Variants in ASPH observed in about 807,000 individuals in gnomAD.
ASPH encodes aspartate beta-hydroxylase, also known as aspartyl/asparaginyl beta-hydroxylase.
ASPH carries 100 observed loss-of-function variants against 118.4 expected under a neutral mutation model. That is an observed-to-expected ratio of 0.84 (90% CI 0.72 to 1.00). ASPH has a LOEUF of 1.00. Among genes scored for constraint, ASPH ranks in the 50% least tolerant of loss-of-function variants. ASPH has a pLI of 0.00. For synonymous variants in ASPH, 315 were observed against 325.6 expected (o/e 0.97, Z 0.35); for missense variants, 920 against 919.5 (o/e 1.00, Z -0.01).
chr8:61,598,031 T>C (rs1179686012), intron 14 of ASPH, among the ~76,000 whole-genome samples: 1 of 152,086 alleles, frequency 6.6e-6, no homozygotes, highest in Admixed American at 6.5e-5. Flanking sequence ...CCAAACTGCA[T>C]GATAAACAAC....
At chr8:61,711,299 T>G (rs1464488999) in intron 1 of ASPH, among the ~76,000 whole-genome samples, 2 of 151,664 alleles carry the variant, frequency 1.3e-5, no homozygotes, top group Non-Finnish European at 2.9e-5. Context: ...CACATACGAG[T>G]GTCTACAAAA....
At chr8:61,685,855 C>G (rs1830295690) in intron 1 of ASPH, among the ~76,000 whole-genome samples, 1 of 150,654 alleles carries the variant, frequency 6.6e-6, no homozygotes, top group East Asian at 2.0e-4. Flanking sequence ...CTAGCATGAT[C>G]TCGGCTCGGT....
At chr8:61,567,090 G>A (rs1831965995) in intron 17 of ASPH, 78 bp downstream of exon 17, 1 of 1,485,116 alleles carries the variant, frequency 6.7e-7, no homozygotes, top group Non-Finnish European at 9.1e-7. Context: ...ATTCTTCTAA[G>A]AGAAGAATAC....
chr8:61,562,455 G>A (rs899832493), intron 18 of ASPH, among the ~76,000 whole-genome samples: 9 of 144,902 alleles, frequency 6.2e-5, no homozygotes, highest in African/African-American at 2.2e-4. Context: ...TTCCTGTCAT[G>A]AAGAACAATT....
At position 61,590,161 on chromosome 8, in the gene ASPH, A is replaced by C. The variant is rs76329883; in HGVS notation, c.977-6132T>G. Among the ~76,000 whole-genome samples the C allele has an allele frequency of 7.0e-3, 1,071 of 152,198 alleles. 19 individuals carry two copies. The highest frequency in any genetic ancestry group is 0.024 in the African/African-American group (1,016 of 41,500). On this transcript the variant is annotated intron_variant, in intron 14 of 24. Coordinates refer to ENST00000379454, the MANE Select transcript of ASPH (RefSeq NM_004318.4). ...CTTACAATAAGAATTTCAGCTTTCTAGAATTTTGGGAAGCTGAAGGTGTAG... is the reference window on the plus strand; with the variant it reads ...CTTACAATAAGAATTTCAGCTTTCTCGAATTTTGGGAAGCTGAAGGTGTAG...
intron 13 of ASPH, chr8:61,625,060 G>T (rs918350520): frequency 1.0e-6 from 1 of 985,604 alleles, no homozygotes; most frequent in African/African-American, 1.7e-5. Flanking sequence ...TTATCTTAAT[G>T]TTAACAAAAT....
intron 1 of ASPH, among the ~76,000 whole-genome samples, chr8:61,705,352 A>T (rs1554593947): frequency 6.6e-6 from 1 of 152,158 alleles, no homozygotes; most frequent in Non-Finnish European, 1.5e-5. Flanking sequence ...TGTGACATGC[A>T]ATTTACCCAT....
At position 61,555,920 on chromosome 8, in the gene ASPH, T is replaced by C; in HGVS notation, c.1536+4A>G. The C allele has an allele frequency of 6.2e-7, 1 of 1,613,014 alleles. No individual in the cohort carries two copies. Among genetic ancestry groups the C allele is most frequent in the Non-Finnish European group, 8.5e-7 (1 of 1,179,226 alleles). On this transcript the variant is annotated splice_donor_region_variant and intron_variant, in intron 19 of 24. Coordinates refer to ENST00000379454, the MANE Select transcript of ASPH (RefSeq NM_004318.4). ...GAAAGGAGAGGAGAAGCAGTGAGCATTACCTTTAAATATGGGATGCTCTCA... is the reference window on the plus strand; with the variant it reads ...GAAAGGAGAGGAGAAGCAGTGAGCACTACCTTTAAATATGGGATGCTCTCA...
At chr8:61,614,891 CT>C (rs1376792329) in intron 14 of ASPH, among the ~76,000 whole-genome samples, 2 of 152,210 alleles carry the variant, frequency 1.3e-5, no homozygotes, top group Non-Finnish European at 2.9e-5. Context: ...GCACTCACCA[CT>C]TCTACTCTAC....
At chr8:61,620,312 G>A (rs1850469163) in intron 13 of ASPH, among the ~76,000 whole-genome samples, 2 of 152,274 alleles carry the variant, frequency 1.3e-5, no homozygotes, top group East Asian at 3.9e-4. Flanking sequence ...AGTCCCCAAA[G>A]CTATCAAGGC....
intron 14 of ASPH, among the ~76,000 whole-genome samples, chr8:61,586,607 T>C (rs1839536167): frequency 6.6e-6 from 1 of 152,160 alleles, no homozygotes; most frequent in South Asian, 2.1e-4. Context: ...ATACCTTTTA[T>C]TTTCTCAACT....
At chr8:61,648,827 G>A (rs970966989) in intron 5 of ASPH, among the ~76,000 whole-genome samples, 6 of 152,144 alleles carry the variant, frequency 3.9e-5, no homozygotes, top group African/African-American at 1.4e-4. Flanking sequence ...CTAATCAATG[G>A]CAGATACAGG....
chr8:61,536,941 G>C (rs560231363), intron 21 of ASPH, among the ~76,000 whole-genome samples: 2 of 152,290 alleles, frequency 1.3e-5, no homozygotes, highest in South Asian at 4.2e-4. Context: ...ATAACATGAG[G>C]CACCTAGCTA....
chr8:61,604,252 C>T (rs1844928391), intron 14 of ASPH, among the ~76,000 whole-genome samples: 1 of 152,044 alleles, frequency 6.6e-6, no homozygotes, highest in Non-Finnish European at 1.5e-5. Context: ...AGAAGACTCC[C>T]TGGATGTGAT....
At chr8:61,580,637 A>C (rs1355653329) in intron 15 of ASPH, among the ~76,000 whole-genome samples, 1 of 152,174 alleles carries the variant, frequency 6.6e-6, no homozygotes, top group Admixed American at 6.5e-5. Flanking sequence ...GTTTTACGGG[A>C]ATATTTGTCC....
At chr8:61,520,561 A>C (rs950273936) in intron 22 of ASPH, among the ~76,000 whole-genome samples, 2 of 152,198 alleles carry the variant, frequency 1.3e-5, no homozygotes, top group Non-Finnish European at 2.9e-5. Flanking sequence ...ATAAAATGTT[A>C]ATTGCTATTT....
chr8:61,552,723 GAC>G (rs143977473), intron 20 of ASPH, among the ~76,000 whole-genome samples: 1 of 151,534 alleles, frequency 6.6e-6, no homozygotes, highest in Non-Finnish European at 1.5e-5. Context: ...TACACACACA[GAC>G]ACACACACAC....
rs578051800 is a variant in ASPH at position 61,501,257 on chromosome 8, G to A, written c.*2102C>T. 6.6e-6 allele frequency: 1 copy of A among 152,132 alleles called. No homozygotes were observed. Among genetic ancestry groups the A allele is most frequent in the African/African-American group, 2.4e-5 (1 of 41,510 alleles). 9.4% of individuals were successfully genotyped at this position (152,132 alleles called of 1,614,324 possible). On this transcript the variant is annotated 3_prime_UTR_variant, in exon 25 of 25. Transcript: ENST00000379454. ...ATTAGAAAATCCATTTTATTGCTTG[G>A]GTTTAAAATAGTTGTGGGATACAAG...
In ASPH at chr8:61,617,999, T is replaced by C. The variant is rs1020564646; in HGVS notation, c.976+979A>G. ...CTAAAAGAAAGTTAGGAGTGAGACT[T>C]GGGGATATGAAGTAGTAGGGAAGAG... is the stretch of plus-strand genomic sequence containing the variant. On this transcript the variant is annotated intron_variant, in intron 14 of 24. Coordinates refer to ENST00000379454, the MANE Select transcript of ASPH (RefSeq NM_004318.4). Among the ~76,000 whole-genome samples, 5 of 151,184 alleles carry C rather than the reference T, an allele frequency of 3.3e-5. No individual in the cohort carries two copies. The South Asian group carries it at 1.0e-3, about 32-fold the overall frequency.
Sources: allele counts gnomAD v4.1 joint callset (sites outside exome capture counted in the v4.1 genomes callset), GRCh38; gene constraint gnomAD v4.1.1; transcripts MANE v1.5; gene names NCBI Gene and HGNC (gene_info 2026-07-23, HGNC 2026-07-21).